Variants in PFKP observed in about 807,000 individuals in gnomAD.
PFKP encodes phosphofructokinase, platelet, also known as ATP-dependent 6-phosphofructokinase, platelet type.
PFKP carries 101 observed loss-of-function variants against 94.3 expected under a neutral mutation model. The ratio of observed to expected loss-of-function variants is 1.07; its 90% CI spans 0.91 to 1.26. The LOEUF is 1.26. Ranked by LOEUF, PFKP falls within the 50% of genes most tolerant of loss-of-function variation. The probability of loss-of-function intolerance (pLI) is 0.00; values close to 1 mark genes in which losing one functional copy is unlikely to be tolerated. For missense variants in PFKP, 1,145 were observed against 1,103.3 expected (o/e 1.04, Z -0.53); for synonymous variants, 573 against 432.6 (o/e 1.32, Z -4.03).
rs1258301441 is a variant in PFKP, at chr10:3,119,750, G to A, written c.1531-142G>A. The A allele has an allele frequency of 1.2e-5, 8 of 644,738 alleles. No individual in the cohort carries two copies. The South Asian group carries it at 1.5e-4, about 12-fold the overall frequency. 39.9% of individuals were successfully genotyped at this position (644,738 alleles called of 1,614,324 possible). A position where few individuals can be genotyped will look rare whatever the true frequency, so the allele number is the denominator to read the frequency against. On this transcript the variant is annotated intron_variant, in intron 15 of 21. Coordinates refer to ENST00000381125, the MANE Select transcript of PFKP (RefSeq NM_002627.5). ...TTGTCTGTGGTCTTAAGGCAACTGT[G>A]TGTTGATCTCGGAGTGTTTTCGTGA...
chr10:3,091,483 A>C (rs146370650), intron 2 of PFKP, among the ~76,000 whole-genome samples: 20 of 152,294 alleles, frequency 1.3e-4, no homozygotes, highest in Non-Finnish European at 2.2e-4. Context: ...CAGATTTCAG[A>C]AATTGTTCAT....
rs547880338 is a variant in PFKP, at chr10:3,081,977, C to CTTTTTTTTT, written c.113-387_113-379dup. On this transcript the variant is annotated intron_variant, in intron 1 of 21. Coordinates refer to ENST00000381125, the MANE Select transcript of PFKP (RefSeq NM_002627.5). ...CTTGTTTTCTGTTGAAGCCCATTGC[C>CTTTTTTTTT]TTTTTTTTTTTTTTTTTTTTTTTTT... is the stretch of plus-strand genomic sequence containing the variant. Among the ~76,000 whole-genome samples the CTTTTTTTTT allele has an allele frequency of 2.6e-3, 178 of 68,422 alleles. 14 individuals carry two copies. The highest frequency in any genetic ancestry group is 2.9e-3 in the Admixed American group (15 of 5,210). 44.9% of individuals were successfully genotyped at this position (68,422 alleles called of 152,430 possible). A position where few individuals can be genotyped will look rare whatever the true frequency, so the allele number is the denominator to read the frequency against.
chr10:3,130,578 T>C (rs1564354450), intron 17 of PFKP, among the ~76,000 whole-genome samples: 2 of 152,140 alleles, frequency 1.3e-5, no homozygotes, highest in African/African-American at 4.8e-5. Flanking sequence ...TGTCTTTATT[T>C]AGAGAGGGAG....
chr10:3,107,225 G>GA lies in PFKP; in HGVS notation c.793dup (p.Arg265LysfsTer9), dbSNP rs1161592176. 5 of 1,597,340 alleles carry GA rather than the reference G, an allele frequency of 3.1e-6. No homozygotes were observed. The highest frequency in any genetic ancestry group is 3.4e-6 in the Non-Finnish European group (4 of 1,166,386). ...TTCTGTCTCCACAGAACCGTGCCCG[G>GA]AAAAAAAGGCTGAATATTATTATTG... is the stretch of plus-strand genomic sequence containing the variant. On this transcript the variant is annotated frameshift_variant, in exon 8 of 22. Transcript: ENST00000381125. LOFTEE classifies it high-confidence loss of function.
Position 3,134,488 on chromosome 10 carries a change from G to A in PFKP, c.2028G>A (p.Gly676=). ...ATAACTCTAACCACCAACAGGGTGG[G>A]GCACCCTCTCCATTTGATAGAAACT... ...KNVLGHMQQG[G]APSPFDRNFG... The change falls in exon 20 of 22, where the codon GGG becomes GGA. Residue 676 remains glycine (G), a synonymous_variant. Coordinates refer to ENST00000381125, the MANE Select transcript of PFKP (RefSeq NM_002627.5). The A allele has an allele frequency of 1.2e-6, 2 of 1,604,060 alleles. No individual in the cohort carries two copies. The highest frequency in any genetic ancestry group is 1.7e-6 in the Non-Finnish European group (2 of 1,170,898).
At chr10:3,107,700 C>G in intron 8 of PFKP, 1 of 978,144 alleles carries the variant, frequency 1.0e-6, no homozygotes, top group Non-Finnish European at 1.2e-6. Flanking sequence ...CGGCGTCTTG[C>G]TATTCCCTGT....
intron 19 of PFKP, among the ~76,000 whole-genome samples, chr10:3,133,747 T>C (rs1838877737): frequency 6.6e-6 from 1 of 152,234 alleles, no homozygotes; most frequent in South Asian, 2.1e-4. Flanking sequence ...TCTGAACTTT[T>C]AAGTGATGCC....
In PFKP at chr10:3,119,982, A is replaced by G. The variant is rs750779972; in HGVS notation, c.1621A>G (p.Asn541Asp). 1 of 1,614,106 alleles carries G rather than the reference A, an allele frequency of 6.2e-7. No homozygotes were observed. Among genetic ancestry groups the G allele is most frequent in the Non-Finnish European group, 8.5e-7 (1 of 1,179,988 alleles). Reference protein sequence around the residue: ...PMVMVPATVSNNVPGSDFSIG... With the variant: ...PMVMVPATVSDNVPGSDFSIG... ...GGTCATGGTTCCCGCTACTGTGTCC[A>G]ACAATGTGCCGGGTTCCGATTTCAG... The change falls in exon 16 of 22, where the codon AAC becomes GAC. Residue 541 changes from asparagine to aspartate, a missense_variant. Physicochemically the swap from Asn to Asp is conservative, Grantham distance 23. This residue lies in a region of PFKP where 1,119 missense variants were observed against 1,062.8 expected (regional missense o/e 1.05). Transcript: ENST00000381125.
intron 18 of PFKP, among the ~76,000 whole-genome samples, chr10:3,132,810 T>G (rs989105497): frequency 2.0e-5 from 3 of 152,116 alleles, no homozygotes; most frequent in African/African-American, 7.2e-5. Context: ...TACACGAGGT[T>G]GCTTCCATCT....
chr10:3,125,095 AG>A (rs756941719), intron 16 of PFKP: 1 of 1,273,610 alleles, frequency 7.9e-7, no homozygotes, highest in South Asian at 1.4e-5. Context: ...CTGCTGCTTC[AG>A]GCTTACAAGA....
rs555611543 is a variant in PFKP, at chr10:3,088,505, G to A, written c.186+6044G>A. ...AGCAAAGCCCCGGCTGACCTGGAGCGCGTTGCCTGGGGGTGATCCCGTCAC... is the reference window on the plus strand; with the variant it reads ...AGCAAAGCCCCGGCTGACCTGGAGCACGTTGCCTGGGGGTGATCCCGTCAC... On this transcript the variant is annotated intron_variant, in intron 2 of 21. Coordinates refer to ENST00000381125, the MANE Select transcript of PFKP (RefSeq NM_002627.5). Among the ~76,000 whole-genome samples the A allele has an allele frequency of 9.2e-5, 14 of 152,238 alleles. No homozygotes were observed. In the South Asian group the frequency reaches 1.2e-3, roughly 14 times the overall value.
chr10:3,094,333 G>GCATTT lies in PFKP; in HGVS notation c.187-4938_187-4937insTCATT, dbSNP rs563759288. On this transcript the variant is annotated intron_variant, in intron 2 of 21. Coordinates refer to ENST00000381125, the MANE Select transcript of PFKP (RefSeq NM_002627.5). ...AGAGGGCTAAATACATCATGCTGTTGCATTATTGGTCTTCCAAAGAAGCAA... is the reference window on the plus strand; with the variant it reads ...AGAGGGCTAAATACATCATGCTGTTGCATTTCATTATTGGTCTTCCAAAGAAGCAA... 2.5e-4 allele frequency among the ~76,000 whole-genome samples: 38 copies of GCATTT among 152,304 alleles called. 1 individual carries two copies. The South Asian group carries it at 7.0e-3, about 28-fold the overall frequency.
chr10:3,114,898 G>A (rs1836632247), intron 13 of PFKP, among the ~76,000 whole-genome samples: 1 of 152,200 alleles, frequency 6.6e-6, no homozygotes, highest in Non-Finnish European at 1.5e-5. Flanking sequence ...GCTTTCTAAA[G>A]GGACCCGCTG....
At position 3,098,503 on chromosome 10, in the gene PFKP, G is replaced by A. The variant is rs146536061; in HGVS notation, c.187-772G>A. ...AGCATGGCCAACAAGGTGAAGCCCC[G>A]TCTCTACTAAAAGCTACAAAAATTA... On this transcript the variant is annotated intron_variant, in intron 2 of 21. Transcript: ENST00000381125. 5.9e-3 allele frequency among the ~76,000 whole-genome samples: 894 copies of A among 151,740 alleles called. 12 individuals carry two copies. Among genetic ancestry groups the A allele is most frequent in the African/African-American group, 0.021 (857 of 41,262 alleles).
chr10:3,109,392 T>C lies in PFKP; in HGVS notation c.1001T>C (p.Leu334Pro). 1 of 1,610,742 alleles carries C rather than the reference T, an allele frequency of 6.2e-7. No homozygotes were observed. Among genetic ancestry groups the C allele is most frequent in the Non-Finnish European group, 8.5e-7 (1 of 1,180,000 alleles). The change falls in exon 10 of 22, where the codon CTA becomes CCA. Residue 334 changes from leucine (L) to proline (P), a missense_variant. Physicochemically the swap from Leu to Pro is moderately conservative, Grantham distance 98. This residue lies in a region of PFKP where 1,119 missense variants were observed against 1,062.8 expected (regional missense o/e 1.05). Transcript: ENST00000381125. The part of the protein sequence containing the change: ...RMGVEAVIAL[L>P]EATPDTPACV... Reference sequence around the variant, plus strand: ...GGAGTGGAGGCAGTCATCGCCTTGCTAGAGGCCACCCCGGACACCCCAGCT... The same window carrying C: ...GGAGTGGAGGCAGTCATCGCCTTGCCAGAGGCCACCCCGGACACCCCAGCT...
chr10:3,114,791 G>A (rs1258613770), intron 13 of PFKP, among the ~76,000 whole-genome samples: 2 of 152,270 alleles, frequency 1.3e-5, no homozygotes, highest in East Asian at 3.9e-4. Context: ...GGGAACTGCA[G>A]GGGCAGGGCC....
chr10:3,110,708 CTCTG>C (rs1199666700), intron 10 of PFKP, among the ~76,000 whole-genome samples: 1 of 151,896 alleles, frequency 6.6e-6, no homozygotes, highest in African/African-American at 2.4e-5. Context: ...AGGCTTGTGT[CTCTG>C]TGTGTATGTA....
Position 3,134,373 on chromosome 10 carries a change from A to G in PFKP, c.2023-110A>G, listed in dbSNP as rs1234070328. 5.6e-6 allele frequency: 4 copies of G among 715,458 alleles called. No homozygotes were observed. In the Admixed American group the frequency reaches 8.4e-5, roughly 15 times the overall value. 44.3% of individuals were successfully genotyped at this position (715,458 alleles called of 1,614,324 possible). A position where few individuals can be genotyped will look rare whatever the true frequency, so the allele number is the denominator to read the frequency against. Reference sequence around the variant, plus strand: ...CAGGTTTTGTTCTGTTCCAACTATAAGGACCTAGAAATAAAAACATGAATT... The same window carrying G: ...CAGGTTTTGTTCTGTTCCAACTATAGGGACCTAGAAATAAAAACATGAATT... On this transcript the variant is annotated intron_variant, in intron 19 of 21. Coordinates refer to ENST00000381125, the MANE Select transcript of PFKP (RefSeq NM_002627.5).
At chr10:3,093,293 C>T (rs190806106) in intron 2 of PFKP, among the ~76,000 whole-genome samples, 1 of 152,284 alleles carries the variant, frequency 6.6e-6, no homozygotes, top group Non-Finnish European at 1.5e-5. Context: ...GTCCACATCC[C>T]GTTCAGTCAC....
Sources: allele counts gnomAD v4.1 joint callset (sites outside exome capture counted in the v4.1 genomes callset), GRCh38; gene constraint gnomAD v4.1.1; regional missense constraint gnomAD v4.1.1; transcripts MANE v1.5; gene names NCBI Gene and HGNC (gene_info 2026-07-23, HGNC 2026-07-21).